Variants in EXOC4 observed in about 807,000 individuals in gnomAD.
EXOC4 encodes the protein SEC8-like 1.
EXOC4 carries 71 observed loss-of-function variants against 107.2 expected under a neutral mutation model. That is an observed-to-expected ratio of 0.66 (90% CI 0.55 to 0.81). The LOEUF is 0.81. Ranked by LOEUF, EXOC4 falls within the 30% of genes least tolerant of loss-of-function variation. EXOC4 has a pLI of 0.00. For synonymous variants in EXOC4, 456 were observed against 441.2 expected (o/e 1.03, Z -0.42); for missense variants, 1,108 against 1,189.6 (o/e 0.93, Z 1.01).
chr7:133,908,169 C>G (rs1799611756), intron 12 of EXOC4, among the ~76,000 whole-genome samples: 1 of 152,184 alleles, frequency 6.6e-6, no homozygotes, highest in African/African-American at 2.4e-5. Flanking sequence ...TTGCAGTGAC[C>G]TTGACACAAA....
intron 9 of EXOC4, among the ~76,000 whole-genome samples, chr7:133,498,629 C>T (rs1447808116): frequency 1.3e-5 from 2 of 152,154 alleles, no homozygotes; most frequent in Non-Finnish European, 2.9e-5. Flanking sequence ...TCCCTTGCTT[C>T]TACCCAGGTT....
chr7:133,785,612 C>G (rs1307378910), intron 10 of EXOC4, among the ~76,000 whole-genome samples: 1 of 152,144 alleles, frequency 6.6e-6, no homozygotes, highest in Non-Finnish European at 1.5e-5. Context: ...GCCATTATTT[C>G]CAGTCACCAA....
chr7:133,543,743 C>A (rs537746369), intron 9 of EXOC4, among the ~76,000 whole-genome samples: 8 of 151,982 alleles, frequency 5.3e-5, no homozygotes, highest in African/African-American at 1.7e-4. Context: ...CCTCTATAGC[C>A]GTCAAATTCT....
intron 10 of EXOC4, among the ~76,000 whole-genome samples, chr7:133,655,494 C>T (rs935603333): frequency 7.2e-5 from 11 of 152,204 alleles, no homozygotes; most frequent in South Asian, 2.1e-4. Flanking sequence ...ACACATTGTA[C>T]GGTGGTACAA....
chr7:133,733,865 A>G (rs768733207), intron 10 of EXOC4, among the ~76,000 whole-genome samples: 12 of 152,314 alleles, frequency 7.9e-5, no homozygotes, highest in Non-Finnish European at 1.5e-4. Context: ...AGGGTGATCT[A>G]TTGAGATTCT....
intron 6 of EXOC4, among the ~76,000 whole-genome samples, chr7:133,371,328 G>A (rs941574814): frequency 4.6e-5 from 7 of 152,000 alleles, no homozygotes; most frequent in South Asian, 2.1e-4. Context: ...TTTTGCACCC[G>A]TCACCACTAC....
intron 17 of EXOC4, among the ~76,000 whole-genome samples, chr7:134,037,649 A>G (rs1795421932): frequency 6.6e-6 from 1 of 152,138 alleles, no homozygotes; most frequent in Non-Finnish European, 1.5e-5. Flanking sequence ...TTTAGGCACA[A>G]TTTAGAAGGG....
At chr7:133,698,052 T>C (rs2151084121) in intron 10 of EXOC4, among the ~76,000 whole-genome samples, 1 of 152,250 alleles carries the variant, frequency 6.6e-6, no homozygotes, top group East Asian at 1.9e-4. Flanking sequence ...TGACTGCATA[T>C]GTGTTCTGTT....
the EXOC4 span, among the ~76,000 whole-genome samples, chr7:134,089,571 G>C: frequency 6.6e-6 from 1 of 152,096 alleles, no homozygotes; most frequent in Non-Finnish European, 1.5e-5. Flanking sequence ...CAAGTTGTAC[G>C]GTTAAGCATC....
intron 9 of EXOC4, among the ~76,000 whole-genome samples, chr7:133,485,084 AAT>A (rs576245053): frequency 0.016 from 315 of 19,420 alleles, 7 homozygotes; most frequent in Admixed American, 0.04. Context: ...CGTCTCAAAA[AAT>A]AAATAAATAA....
chr7:133,353,958 T>C (rs1288294392), intron 5 of EXOC4, among the ~76,000 whole-genome samples: 3 of 152,114 alleles, frequency 2.0e-5, no homozygotes, highest in Non-Finnish European at 2.9e-5. Context: ...GAATTTCTTA[T>C]TCTTTTTATT....
chr7:133,422,063 T>G (rs887457919), intron 7 of EXOC4, among the ~76,000 whole-genome samples: 9 of 152,206 alleles, frequency 5.9e-5, no homozygotes, highest in Non-Finnish European at 1.2e-4. Flanking sequence ...TGAAGGTGAT[T>G]AAAAATTTCA....
At chr7:133,294,595 T>C (rs555845274) in intron 3 of EXOC4, among the ~76,000 whole-genome samples, 1 of 152,270 alleles carries the variant, frequency 6.6e-6, no homozygotes, top group South Asian at 2.1e-4. Flanking sequence ...GTTATTATGA[T>C]AATTATAATA....
At chr7:133,817,286 C>A in intron 10 of EXOC4, 39 bp from the exon 11 acceptor site, 1 of 1,433,916 alleles carries the variant, frequency 7.0e-7, no homozygotes. Context: ...TAACATTTTC[C>A]TCATAAATTT....
In EXOC4 at chr7:133,881,263, C is replaced by A. The variant is rs1014461489; in HGVS notation, c.1735-14336C>A. ...CCTCCCACCTGATCACGCATACATA[C>A]CCCCCCAACCCCACTCCCCCACATA... On this transcript the variant is annotated intron_variant, in intron 11 of 17. Coordinates refer to ENST00000253861, the MANE Select transcript of EXOC4 (RefSeq NM_021807.4). Among the ~76,000 whole-genome samples the A allele has an allele frequency of 2.0e-5, 3 of 150,696 alleles. No individual in the cohort carries two copies. In the Admixed American group the frequency reaches 2.0e-4, roughly 10 times the overall value.
intron 14 of EXOC4, among the ~76,000 whole-genome samples, chr7:133,994,122 G>A (rs1794325739): frequency 6.6e-6 from 1 of 152,172 alleles, no homozygotes; most frequent in East Asian, 1.9e-4. Flanking sequence ...AGCTAACTAG[G>A]TGACTTAAAG....
At chr7:133,609,190 G>A (rs1360051798) in intron 9 of EXOC4, among the ~76,000 whole-genome samples, 1 of 151,982 alleles carries the variant, frequency 6.6e-6, no homozygotes, top group East Asian at 1.9e-4. Context: ...CTCCATTTAG[G>A]GTTTACTGAT....
At chr7:133,438,127 T>A (rs1798018007) in intron 7 of EXOC4, among the ~76,000 whole-genome samples, 2 of 152,226 alleles carry the variant, frequency 1.3e-5, no homozygotes, top group African/African-American at 4.8e-5. Context: ...TGTCTGTAGA[T>A]CTTTGAAGAG....
chr7:133,608,961 G>A (rs1802016894), intron 9 of EXOC4, among the ~76,000 whole-genome samples: 1 of 152,148 alleles, frequency 6.6e-6, no homozygotes, highest in South Asian at 2.1e-4. Context: ...TCACATTTAA[G>A]TGTCATATTG....
Sources: allele counts gnomAD v4.1 joint callset (sites outside exome capture counted in the v4.1 genomes callset), GRCh38; gene constraint gnomAD v4.1.1; transcripts MANE v1.5; gene names NCBI Gene and HGNC (gene_info 2026-07-23, HGNC 2026-07-21).